The following LSG1 variants were observed in gnomAD, a reference collection of about 807,000 sequenced individuals.
LSG1 encodes large 60S subunit nuclear export GTPase 1.
LSG1 carries 55 observed loss-of-function variants against 82.6 expected under a neutral mutation model. The ratio of observed to expected loss-of-function variants is 0.67; its 90% CI spans 0.54 to 0.83. LSG1 has a LOEUF of 0.83. Ranked by LOEUF, LSG1 falls within the 40% of genes least tolerant of loss-of-function variation. LSG1 has a pLI of 0.00. For missense variants in LSG1, 809 were observed against 807.9 expected, an observed-to-expected ratio of 1.00 and a Z score of -0.02; for synonymous variants, 272 against 282.5, an observed-to-expected ratio of 0.96 and a Z score of 0.37.
chr3:194,645,045 T>C (rs1054183999), intron 12 of LSG1: 1 of 220,428 alleles, frequency 4.5e-6, no homozygotes, highest in African/African-American at 2.3e-5. Flanking sequence ...ATACTTATGG[T>C]GAATATTTTC....
intron 7 of LSG1, among the ~76,000 whole-genome samples, chr3:194,654,878 G>A (rs13076026): frequency 0.15 from 22,496 of 152,162 alleles, 2,389 homozygotes; most frequent in East Asian, 0.46. Context: ...GAATTGGCCT[G>A]TGTCTTTTGA....
intron 5 of LSG1, among the ~76,000 whole-genome samples, 195 bp downstream of exon 5, chr3:194,665,362 T>C (rs1719010130): frequency 6.6e-6 from 1 of 152,242 alleles, no homozygotes; most frequent in Non-Finnish European, 1.5e-5. Flanking sequence ...TCTCACACAC[T>C]TATCAACATA....
chr3:194,656,443 A>G (rs1224105705), intron 7 of LSG1, among the ~76,000 whole-genome samples: 4 of 152,196 alleles, frequency 2.6e-5, no homozygotes, highest in South Asian at 2.1e-4. Flanking sequence ...CAAAACCACA[A>G]TGAGATACCA....
chr3:194,652,180 C>G (rs532273910), intron 8 of LSG1, among the ~76,000 whole-genome samples: 1 of 152,184 alleles, frequency 6.6e-6, no homozygotes, highest in Non-Finnish European at 1.5e-5. Flanking sequence ...AGAGCCATGT[C>G]GTAGCCCCTC....
At chr3:194,671,909 G>T in intron 1 of LSG1, 155 bp downstream of exon 1, 1 of 698,168 alleles carries the variant, frequency 1.4e-6, no homozygotes, top group South Asian at 1.5e-5. Flanking sequence ...TTGCCAGGAG[G>T]AGGGCCTGCT....
At chr3:194,655,221 C>T (rs1273927420) in intron 7 of LSG1, among the ~76,000 whole-genome samples, 2 of 151,998 alleles carry the variant, frequency 1.3e-5, no homozygotes, top group African/African-American at 4.8e-5. Context: ...CCTGGTGAGC[C>T]CTAAAAATAA....
At chr3:194,666,659 A>AAT (rs1719036924) in intron 2 of LSG1, 87 bp from the exon 3 acceptor site, 2 of 1,100,108 alleles carry the variant, frequency 1.8e-6, no homozygotes, top group Non-Finnish European at 2.6e-6. Flanking sequence ...GAAAACTAAA[A>AAT]ATGAGAGCCT....
Position 194,644,718 on chromosome 3 carries a change from G to A in LSG1, c.1652C>T (p.Pro551Leu). The A allele has an allele frequency of 6.2e-7, 1 of 1,607,652 alleles. No individual in the cohort carries two copies. Among genetic ancestry groups the A allele is most frequent in the East Asian group, 2.2e-5 (1 of 44,684 alleles). ...CTGAAAAGTTACAGGATCTCTTCCA[G>A]GAGGAGGATGGCAGTACAGCAGCTT... The part of the protein sequence containing the change: ...SGKLLYCHPP[P>L]GRDPVTFQHQ... Residue 551 changes from proline (P) to leucine (L), a missense_variant, in exon 13 of 14, where the codon CCT becomes CTT. By Grantham distance (98) the Pro-to-Leu change is moderately conservative. Coordinates refer to ENST00000265245, the MANE Select transcript of LSG1 (RefSeq NM_018385.3).
At chr3:194,661,570 T>C (rs1226668700) in intron 5 of LSG1, among the ~76,000 whole-genome samples, 1 of 152,132 alleles carries the variant, frequency 6.6e-6, no homozygotes, top group African/African-American at 2.4e-5. Context: ...GCCTCTGCGG[T>C]TTCCTGCATT....
At chr3:194,671,945 C>G (rs1719146002) in intron 1 of LSG1, 119 bp downstream of exon 1, 1 of 876,328 alleles carries the variant, frequency 1.1e-6, no homozygotes, top group East Asian at 2.6e-5. Context: ...AACTCCAACT[C>G]ATCCTTCAAA....
At chr3:194,669,157 G>C (rs1719090611) in intron 2 of LSG1, among the ~76,000 whole-genome samples, 1 of 152,144 alleles carries the variant, frequency 6.6e-6, no homozygotes, top group Admixed American at 6.5e-5. Context: ...ACATTTATTA[G>C]TTAATAATAT....
At chr3:194,645,657 GAT>G (rs1226565095) in intron 12 of LSG1, among the ~76,000 whole-genome samples, 1 of 150,924 alleles carries the variant, frequency 6.6e-6, no homozygotes, top group African/African-American at 2.5e-5. Flanking sequence ...AATCTCATGA[GAT>G]AGGCCCTGTT....
chr3:194,652,659 G>T, intron 8 of LSG1, 70 bp downstream of exon 8: 1 of 1,523,250 alleles, frequency 6.6e-7, no homozygotes. Context: ...CTTTGGGGTC[G>T]TGCAGCTACT....
At chr3:194,652,634 G>A (rs1301873473) in intron 8 of LSG1, 95 bp downstream of exon 8, 16 of 1,367,088 alleles carry the variant, frequency 1.2e-5, no homozygotes, top group Admixed American at 6.1e-5. Flanking sequence ...CTACGATGCC[G>A]GAAGCCTGGT....
At chr3:194,650,065 G>A (rs1180876606) in intron 10 of LSG1, among the ~76,000 whole-genome samples, 1 of 152,088 alleles carries the variant, frequency 6.6e-6, no homozygotes, top group Non-Finnish European at 1.5e-5. Flanking sequence ...GACTACAGGT[G>A]TGCACCACCA....
chr3:194,661,846 A>G (rs1026535150), intron 5 of LSG1, among the ~76,000 whole-genome samples: 1 of 152,224 alleles, frequency 6.6e-6, no homozygotes, highest in African/African-American at 2.4e-5. Context: ...TAACAAAAAT[A>G]AGAGAGCAAA....
rs1490138388 is a variant in LSG1 at position 194,642,133 on chromosome 3, T to C, written c.1912A>G (p.Lys638Glu). Residue 638 changes from lysine to glutamate, a missense_variant, in exon 14 of 14, where the codon AAA (lysine) becomes GAA (glutamate). Lys to Glu is a moderately conservative substitution (Grantham distance 56). Transcript: ENST00000265245. ...SSENGAGKPW[K>E]KHGNRNKKEK... ...TTTTTATTTCTGTTGCCATGTTTTTTCCAGGGCTTCCCCGCCCCGTTCTCA... is the reference window on the plus strand; with the variant it reads ...TTTTTATTTCTGTTGCCATGTTTTTCCCAGGGCTTCCCCGCCCCGTTCTCA... 2 of 1,613,810 alleles carry C rather than the reference T, an allele frequency of 1.2e-6. No homozygotes were observed. The highest frequency in any genetic ancestry group is 1.7e-6 in the Non-Finnish European group (2 of 1,180,044).
At chr3:194,657,930 G>A (rs1193998939) in intron 7 of LSG1, among the ~76,000 whole-genome samples, 2 of 152,142 alleles carry the variant, frequency 1.3e-5, no homozygotes. Context: ...TGACAGGGAA[G>A]TGGAGGAAGA....
At chr3:194,667,510 G>A (rs1719053656) in intron 2 of LSG1, among the ~76,000 whole-genome samples, 1 of 152,066 alleles carries the variant, frequency 6.6e-6, no homozygotes, top group Admixed American at 6.5e-5. Flanking sequence ...GCTATCTCAG[G>A]AGAATACAAC....
Sources: allele counts gnomAD v4.1 joint callset (sites outside exome capture counted in the v4.1 genomes callset), GRCh38; gene constraint gnomAD v4.1.1; transcripts MANE v1.5; gene names NCBI Gene and HGNC (gene_info 2026-07-23, HGNC 2026-07-21).